TEK: variants seen among roughly 807,000 people sequenced by gnomAD.
The protein encoded by TEK is angiopoietin-1 receptor.
A neutral mutation model predicts 131.8 loss-of-function variants in TEK; 43 were observed. The ratio of observed to expected loss-of-function variants is 0.33; its 90% CI spans 0.26 to 0.42. The LOEUF is 0.42. TEK is among the 10% of genes least tolerant of loss of function. TEK has a pLI of 1.00. For missense variants in TEK, 1,162 were observed against 1,384.4 expected (o/e 0.84, Z 2.55); for synonymous variants, 580 against 491.6 (o/e 1.18, Z -2.38).
chr9:27,162,259 A>G (rs981194546), intron 2 of TEK, among the ~76,000 whole-genome samples: 1 of 152,214 alleles, frequency 6.6e-6, no homozygotes, highest in Non-Finnish European at 1.5e-5. Flanking sequence ...ATAAACATCA[A>G]TATATTCCTG....
rs1437371173 is a variant in TEK, at chr9:27,172,197, G to A, written c.629-419G>A. On this transcript the variant is annotated intron_variant, in intron 4 of 22. Transcript: ENST00000380036. The stretch of plus-strand genomic sequence containing the variant: ...CAGATGATGGGGATGCTACTGGTCA[G>A]AGACCACACTTTGAAAACCACAGCT... Among the ~76,000 whole-genome samples the A allele has an allele frequency of 2.0e-5, 3 of 152,154 alleles. No homozygotes were observed. In the East Asian group the frequency reaches 5.8e-4, roughly 29 times the overall value.
At chr9:27,218,583 C>G (rs535403162) in intron 19 of TEK, among the ~76,000 whole-genome samples, 194 bp from the exon 20 acceptor site, 10 of 152,262 alleles carry the variant, frequency 6.6e-5, no homozygotes, top group South Asian at 6.2e-4. Context: ...AAAGTGAACA[C>G]TGTTTCTTTG....
intron 1 of TEK, among the ~76,000 whole-genome samples, chr9:27,139,860 T>C (rs1294694701): frequency 6.6e-6 from 1 of 152,116 alleles, no homozygotes; most frequent in Non-Finnish European, 1.5e-5. Flanking sequence ...GTATACTAGT[T>C]TGTCTGTATT....
At chr9:27,212,991 C>A in intron 17 of TEK, 94 bp downstream of exon 17, 2 of 1,318,842 alleles carry the variant, frequency 1.5e-6, no homozygotes, top group Non-Finnish European at 2.1e-6. Flanking sequence ...AACCTCTCTT[C>A]TTTAACTCCT....
chr9:27,181,553 A>G (rs1168808605), intron 7 of TEK, among the ~76,000 whole-genome samples: 2 of 152,096 alleles, frequency 1.3e-5, no homozygotes, highest in Admixed American at 6.6e-5. Context: ...AGGTTTATCT[A>G]TGTTGTGGCA....
At chr9:27,173,137 G>A (rs760615119) in intron 5 of TEK, 85 bp from the exon 6 acceptor site, 55 of 1,554,008 alleles carry the variant, frequency 3.5e-5, no homozygotes, top group Admixed American at 1.9e-4. Flanking sequence ...ATATTCACTA[G>A]ACTAGGAGAA....
At chr9:27,111,091 G>A (rs996635924) in intron 1 of TEK, among the ~76,000 whole-genome samples, 2 of 152,136 alleles carry the variant, frequency 1.3e-5, no homozygotes, top group African/African-American at 4.8e-5. Flanking sequence ...AAGCAACTGT[G>A]TTATAGCACT....
At chr9:27,146,930 C>A (rs375873096) in intron 1 of TEK, among the ~76,000 whole-genome samples, 2 of 151,978 alleles carry the variant, frequency 1.3e-5, no homozygotes, top group South Asian at 4.1e-4. Flanking sequence ...GGGGTTTCAC[C>A]GTGTTAGCCA....
At chr9:27,213,441 C>A (rs1825705957) in intron 17 of TEK, 43 bp from the exon 18 acceptor site, 1 of 1,461,604 alleles carries the variant, frequency 6.8e-7, no homozygotes, top group Non-Finnish European at 9.6e-7. Flanking sequence ...AGCCCTGGGG[C>A]TTTCATTAGG....
intron 1 of TEK, among the ~76,000 whole-genome samples, chr9:27,116,126 G>C (rs1821549583): frequency 6.6e-6 from 1 of 152,156 alleles, no homozygotes; most frequent in Non-Finnish European, 1.5e-5. Flanking sequence ...GCAGGAGTTA[G>C]TGATTGGTTG....
At chr9:27,142,261 A>G (rs1822753206) in intron 1 of TEK, among the ~76,000 whole-genome samples, 1 of 152,260 alleles carries the variant, frequency 6.6e-6, no homozygotes, top group Non-Finnish European at 1.5e-5. Context: ...GTGAAGGTGA[A>G]TCTTTACGAT....
chr9:27,228,585 T>C (rs886085327), intron 22 of TEK, among the ~76,000 whole-genome samples: 7 of 152,156 alleles, frequency 4.6e-5, no homozygotes, highest in Non-Finnish European at 8.8e-5. Flanking sequence ...CCTGACCCTT[T>C]AATTTTATAG....
At chr9:27,165,565 TAGA>T (rs1823698607) in intron 2 of TEK, among the ~76,000 whole-genome samples, 1 of 152,150 alleles carries the variant, frequency 6.6e-6, no homozygotes, top group East Asian at 1.9e-4. Flanking sequence ...CTGTTTATAT[TAGA>T]AGGATACCGA....
intron 16 of TEK, among the ~76,000 whole-genome samples, chr9:27,211,175 A>ATGTATATGAATATATG (rs1554701066): frequency 4.5e-5 from 4 of 88,700 alleles, no homozygotes; most frequent in African/African-American, 1.3e-4. Flanking sequence ...GTATGTGTAT[A>ATGTATATGAATATATG]TATATATATG....
chr9:27,116,717 T>G (rs1821573975), intron 1 of TEK, among the ~76,000 whole-genome samples: 1 of 152,086 alleles, frequency 6.6e-6, no homozygotes, highest in Non-Finnish European at 1.5e-5. Flanking sequence ...ATTTCAAGAT[T>G]GAAATGAAGG....
chr9:27,156,721 G>A (rs1161050392), intron 1 of TEK, among the ~76,000 whole-genome samples: 1 of 152,166 alleles, frequency 6.6e-6, no homozygotes, highest in Non-Finnish European at 1.5e-5. Context: ...ATACCTCACA[G>A]AGTTGCTGAA....
intron 1 of TEK, among the ~76,000 whole-genome samples, chr9:27,135,220 T>G (rs1328159445): frequency 1.3e-5 from 2 of 151,094 alleles, no homozygotes; most frequent in African/African-American, 4.9e-5. Flanking sequence ...TGAGACTTTT[T>G]TTTTTTTTTT....
At chr9:27,176,243 T>C (rs536333583) in intron 6 of TEK, among the ~76,000 whole-genome samples, 6 of 152,282 alleles carry the variant, frequency 3.9e-5, no homozygotes, top group African/African-American at 1.4e-4. Flanking sequence ...CTGGTTTCTA[T>C]CTGAGGAAAT....
At chr9:27,123,254 C>T (rs1160752193) in intron 1 of TEK, among the ~76,000 whole-genome samples, 1 of 151,816 alleles carries the variant, frequency 6.6e-6, no homozygotes, top group Non-Finnish European at 1.5e-5. Flanking sequence ...TGGTAGGTTC[C>T]TATTTCCATG....
Sources: gnomAD v4.1 joint callset for allele counts (sites outside exome capture counted in the v4.1 genomes callset) on GRCh38, gnomAD v4.1.1 for gene constraint, MANE v1.5 for transcripts, NCBI Gene and HGNC (gene_info 2026-07-23, HGNC 2026-07-21) for gene names.